UBXN8: variants seen among roughly 807,000 people sequenced by gnomAD.
UBXN8 encodes UBX domain-containing protein 8.
A neutral mutation model predicts 32.1 loss-of-function variants in UBXN8; 27 were observed. The observed-to-expected ratio is 0.84, with a 90% CI of 0.62 to 1.16. The LOEUF (loss-of-function observed/expected upper bound fraction) is 1.16, where lower values mean the gene tolerates loss of function less well. Among genes scored for constraint, UBXN8 ranks in the 50% most tolerant of loss-of-function variants. UBXN8 has a pLI of 0.00. For missense variants in UBXN8, 306 were observed against 311.4 expected, an observed-to-expected ratio of 0.98 and a Z score of 0.13; for synonymous variants, 109 against 111.8, an observed-to-expected ratio of 0.98 and a Z score of 0.16.
intron 1 of UBXN8, among the ~76,000 whole-genome samples, chr8:30,737,764 C>T (rs141567122): frequency 4.6e-5 from 7 of 152,144 alleles, no homozygotes; most frequent in South Asian, 2.1e-4. Flanking sequence ...GGGAGGATCA[C>T]GTGGGCCTGG....
intron 5 of UBXN8, 107 bp from the exon 6 acceptor site, chr8:30,760,781 A>C: frequency 1.5e-6 from 1 of 675,982 alleles, no homozygotes; most frequent in Non-Finnish European, 2.5e-6. Context: ...AAAAGATATA[A>C]GTAAGCTTAG....
upstream of UBXN8, among the ~76,000 whole-genome samples, chr8:30,740,662 C>T (rs1387657898): frequency 2.0e-5 from 3 of 151,682 alleles, no homozygotes; most frequent in Non-Finnish European, 2.9e-5. Flanking sequence ...GGGTTCCAGG[C>T]TGCAGTGAGC....
At chr8:30,760,289 G>C (rs1488084781) in intron 5 of UBXN8, among the ~76,000 whole-genome samples, 2 of 149,932 alleles carry the variant, frequency 1.3e-5, no homozygotes, top group Admixed American at 1.3e-4. Context: ...ATGAACTCTT[G>C]ACCTCAAGTG....
intron 2 of UBXN8, among the ~76,000 whole-genome samples, chr8:30,752,083 G>T (rs1288560505): frequency 6.6e-6 from 1 of 151,832 alleles, no homozygotes; most frequent in Non-Finnish European, 1.5e-5. Flanking sequence ...GTAGAGACAG[G>T]GTTTCACCAT....
At chr8:30,746,290 TA>T (rs1436722754) in intron 1 of UBXN8, among the ~76,000 whole-genome samples, 2 of 151,916 alleles carry the variant, frequency 1.3e-5, no homozygotes, top group Non-Finnish European at 2.9e-5. Context: ...TTTTAATATA[TA>T]TTTTTTCCTT....
intron 2 of UBXN8, among the ~76,000 whole-genome samples, 200 bp from the exon 3 acceptor site, chr8:30,752,834 CT>C (rs887487751): frequency 6.6e-6 from 1 of 152,080 alleles, no homozygotes; most frequent in Non-Finnish European, 1.5e-5. Flanking sequence ...ATGTATAGCC[CT>C]TTCAAATTAA....
intron 3 of UBXN8, 38 bp from the exon 4 acceptor site, chr8:30,754,627 A>T (rs1194896620): frequency 5.2e-6 from 8 of 1,524,978 alleles, no homozygotes; most frequent in Non-Finnish European, 6.1e-6. Flanking sequence ...AGGAACATTA[A>T]TGGATAGTAA....
At chr8:30,737,086 TAAG>T in intron 1 of UBXN8, among the ~76,000 whole-genome samples, 1 of 152,288 alleles carries the variant, frequency 6.6e-6, no homozygotes, top group South Asian at 2.1e-4. Context: ...TTTAGAAAAA[TAAG>T]AAAAAAATCA....
chr8:30,764,377 C>T (rs1191564869), intron 7 of UBXN8, among the ~76,000 whole-genome samples: 1 of 152,172 alleles, frequency 6.6e-6, no homozygotes, highest in African/African-American at 2.4e-5. Context: ...GCCATGTTGG[C>T]CAGGCTGGTC....
chr8:30,754,702 A>G lies in UBXN8; in HGVS notation c.320A>G (p.Gln107Arg). The stretch of plus-strand genomic sequence containing the variant: ...ATAGAGAATGTTTTAAAACCTCACC[A>G]GGAAATGAAATTGAGAAAACTGGAG... ...RYIENVLKPH[Q>R]EMKLRKLEER... Residue 107 changes from glutamine (Q) to arginine (R), a missense_variant, in exon 4 of 8, where the codon CAG becomes CGG. Physicochemically the swap from Gln to Arg is conservative, Grantham distance 43. Transcript: ENST00000265616. 3 of 1,562,880 alleles carry G rather than the reference A, an allele frequency of 1.9e-6. No individual in the cohort carries two copies. The highest frequency in any genetic ancestry group is 2.6e-6 in the Non-Finnish European group (3 of 1,164,970).
upstream of UBXN8, among the ~76,000 whole-genome samples, chr8:30,730,335 C>G (rs563865497): frequency 8.3e-4 from 127 of 152,294 alleles, 1 homozygote; most frequent in South Asian, 0.011. Flanking sequence ...AAACAATACC[C>G]CGTCCTGTAC....
At position 30,766,805 on chromosome 8, in the gene UBXN8, G is replaced by A. The variant is rs1806021893; in HGVS notation, c.*411G>A. On this transcript the variant is annotated 3_prime_UTR_variant, in exon 8 of 8. Coordinates refer to ENST00000265616, the MANE Select transcript of UBXN8 (RefSeq NM_005671.4). ...GGAATGTTTATTCTGCTGTATTTCT[G>A]TGAAATTAAAAACTTGGAAGAAGCT... The A allele has an allele frequency of 6.6e-6, 1 of 152,388 alleles. No homozygotes were observed. Among genetic ancestry groups the A allele is most frequent in the Non-Finnish European group, 1.5e-5 (1 of 68,212 alleles). 9.4% of individuals were successfully genotyped at this position (152,388 alleles called of 1,614,324 possible). A position where few individuals can be genotyped will look rare whatever the true frequency, so the allele number is the denominator to read the frequency against.
rs1203419877 is a variant in UBXN8, at chr8:30,753,048, G to T, written c.225G>T (p.Lys75Asn). 9.9e-5 allele frequency: 151 copies of T among 1,527,362 alleles called. No individual in the cohort carries two copies. Among genetic ancestry groups the T allele is most frequent in the Non-Finnish European group, 1.3e-4 (148 of 1,139,096 alleles). The allele number at this position is 1,527,362 out of a possible 1,614,324, so 94.6% of individuals were successfully genotyped here. ...TTGATGTCTTAGAAGAAGAAGAAAAGAATGAGAAAAGACAAAAACTTGTGA... is the reference window on the plus strand; with the variant it reads ...TTGATGTCTTAGAAGAAGAAGAAAATAATGAGAAAAGACAAAAACTTGTGA... ...PQVYLKEEEE[K>N]NEKRQKLVRK... is the part of the protein sequence containing the mutation. Residue 75 changes from lysine (K) to asparagine (N), a missense_variant, in exon 3 of 8, where the codon AAG (lysine) becomes AAT (asparagine). Transcript: ENST00000265616.
chr8:30,760,045 T>C (rs1805787817), intron 5 of UBXN8, among the ~76,000 whole-genome samples: 1 of 143,922 alleles, frequency 6.9e-6, no homozygotes, highest in Admixed American at 7.4e-5. Context: ...AATTTTGGGG[T>C]CTTACTGAAT....
At chr8:30,752,335 A>T (rs2128754389) in intron 2 of UBXN8, among the ~76,000 whole-genome samples, 1 of 152,002 alleles carries the variant, frequency 6.6e-6, no homozygotes, top group East Asian at 1.9e-4. Context: ...TTTGAGACAG[A>T]GTCCCGCTCT....
At chr8:30,734,620 T>C (rs1481422683) in intron 1 of UBXN8, among the ~76,000 whole-genome samples, 1 of 150,096 alleles carries the variant, frequency 6.7e-6, no homozygotes, top group Non-Finnish European at 1.5e-5. Flanking sequence ...ACACTATCTC[T>C]TAAAAAAAAA....
chr8:30,729,245 G>T (rs1255703473), upstream of UBXN8, among the ~76,000 whole-genome samples: 5 of 152,234 alleles, frequency 3.3e-5, no homozygotes, highest in Non-Finnish European at 5.9e-5. Context: ...CCGGTGGAAC[G>T]CCTAGTCAGA....
chr8:30,754,390 T>C, intron 3 of UBXN8: 2 of 533,700 alleles, frequency 3.7e-6, no homozygotes, highest in Non-Finnish European at 7.4e-6. Context: ...AAGTAGATCC[T>C]CCCATTCTCT....
intron 1 of UBXN8, among the ~76,000 whole-genome samples, chr8:30,737,057 T>C (rs1040965542): frequency 6.6e-6 from 1 of 152,198 alleles, no homozygotes; most frequent in African/African-American, 2.4e-5. Context: ...TAATGTTCTT[T>C]TTGTTTAATT....
Sources: gnomAD v4.1 joint callset for allele counts (sites outside exome capture counted in the v4.1 genomes callset) on GRCh38, gnomAD v4.1.1 for gene constraint, MANE v1.5 for transcripts, NCBI Gene and HGNC (gene_info 2026-07-23, HGNC 2026-07-21) for gene names.